LARGE1: variants seen among roughly 807,000 people sequenced by gnomAD.
LARGE1 encodes the protein LARGE xylosyl- and glucuronyltransferase 1.
In LARGE1, 43 loss-of-function variants were observed where a neutral mutation model predicts 87.6. The ratio of observed to expected loss-of-function variants is 0.49; its 90% CI spans 0.38 to 0.63. The LOEUF (loss-of-function observed/expected upper bound fraction) is 0.63. Ranked by LOEUF, LARGE1 falls within the 30% of genes least tolerant of loss-of-function variation. LARGE1 has a pLI of 0.00. For synonymous variants in LARGE1, 434 were observed against 394.6 expected (o/e 1.10, Z -1.18); for missense variants, 802 against 1,000.2 (o/e 0.80, Z 2.67).
chr22:33,901,399 C>T (rs1249500160), intron 1 of LARGE1, among the ~76,000 whole-genome samples: 1 of 152,184 alleles, frequency 6.6e-6, no homozygotes, highest in African/African-American at 2.4e-5. Context: ...GCACCTTACC[C>T]AAGGGGAGCC....
At chr22:33,549,835 G>A (rs1346824200) in intron 6 of LARGE1, among the ~76,000 whole-genome samples, 3 of 152,192 alleles carry the variant, frequency 2.0e-5, no homozygotes, top group African/African-American at 7.2e-5. Context: ...AGAACATGCA[G>A]TATTTGGTTT....
intron 2 of LARGE1, among the ~76,000 whole-genome samples, chr22:33,740,670 A>T (rs1033210852): frequency 2.0e-5 from 3 of 152,200 alleles, no homozygotes; most frequent in South Asian, 2.1e-4. Context: ...GGCACCAAAA[A>T]ATCAGCTGGC....
At chr22:33,189,494 C>T (rs983640948) in intron 11 of LARGE1, among the ~76,000 whole-genome samples, 2 of 152,144 alleles carry the variant, frequency 1.3e-5, no homozygotes, top group African/African-American at 4.8e-5. Context: ...TACACACACT[C>T]ACGATACTCA....
intron 1 of LARGE1, among the ~76,000 whole-genome samples, chr22:33,837,258 A>G (rs1200569456): frequency 5.9e-5 from 1 of 16,824 alleles, no homozygotes; most frequent in Non-Finnish European, 1.1e-4. Flanking sequence ...TATTACATAT[A>G]CACACACACA....
intron 2 of LARGE1, among the ~76,000 whole-genome samples, chr22:33,662,767 A>C (rs2081166488): frequency 6.6e-6 from 1 of 152,176 alleles, no homozygotes; most frequent in Admixed American, 6.5e-5. Context: ...ACTTTTGTGA[A>C]TGTCATTGAT....
At chr22:33,229,626 A>G (rs1359561208) in intron 11 of LARGE1, among the ~76,000 whole-genome samples, 2 of 152,190 alleles carry the variant, frequency 1.3e-5, no homozygotes, top group African/African-American at 4.8e-5. Flanking sequence ...GAGATATTTG[A>G]AAATAATAAC....
intron 1 of LARGE1, among the ~76,000 whole-genome samples, chr22:33,887,000 A>G (rs947155490): frequency 1.7e-4 from 26 of 152,278 alleles, no homozygotes; most frequent in African/African-American, 6.3e-4. Context: ...GGTCTGGGCA[A>G]GGTGGTGATG....
At position 33,379,177 on chromosome 22, in the gene LARGE1, T is replaced by TG. The variant is rs769423685; in HGVS notation, c.1131+2741_1131+2742insC. Among the ~76,000 whole-genome samples, 799 of 149,332 alleles carry TG rather than the reference T, an allele frequency of 5.4e-3. 6 individuals are homozygous for TG. The highest frequency in any genetic ancestry group is 8.4e-3 in the Non-Finnish European group (564 of 67,080). ...TGGAACTTTCAGTGGGGAAGTTCTTTTTTTTTTTTTTGAGTGTCGTAAAGT... is the reference window on the plus strand; with the variant it reads ...TGGAACTTTCAGTGGGGAAGTTCTTTGTTTTTTTTTTTGAGTGTCGTAAAGT... On this transcript the variant is annotated intron_variant, in intron 9 of 14. Coordinates refer to ENST00000397394, the MANE Select transcript of LARGE1 (RefSeq NM_133642.5).
At chr22:33,138,203 T>C in the LARGE1 span, among the ~76,000 whole-genome samples, 1 of 152,158 alleles carries the variant, frequency 6.6e-6, no homozygotes, top group African/African-American at 2.4e-5. Flanking sequence ...ACGTGAGACA[T>C]GGAGTCAAAA....
At position 33,902,082 on chromosome 22, in the gene LARGE1, C is replaced by G. The variant is rs931212121; in HGVS notation, c.-83+17913G>C. Reference sequence around the variant, plus strand: ...GAACGATGAACAGGTTTGTCACAGGCAGAACCTTAAAGATTAGCTCTGAGA... The same window carrying G: ...GAACGATGAACAGGTTTGTCACAGGGAGAACCTTAAAGATTAGCTCTGAGA... On this transcript the variant is annotated intron_variant, in intron 1 of 14. Transcript: ENST00000397394. Among the ~76,000 whole-genome samples, 16 of 152,336 alleles carry G rather than the reference C, an allele frequency of 1.1e-4. No homozygotes were observed. In the East Asian group the frequency reaches 2.7e-3, roughly 26 times the overall value.
At chr22:33,557,347 A>C (rs1176130710) in intron 6 of LARGE1, among the ~76,000 whole-genome samples, 1 of 152,234 alleles carries the variant, frequency 6.6e-6, no homozygotes. Flanking sequence ...GTGTCTATCA[A>C]GAAAATCAAA....
intron 11 of LARGE1, among the ~76,000 whole-genome samples, chr22:33,195,756 CTTTT>C (rs71187249): frequency 0.063 from 8,239 of 130,668 alleles, 250 homozygotes; most frequent in Middle Eastern, 0.19. Context: ...TTTCTTTTTT[CTTTT>C]TTTTTTTTTT....
rs1927859249 is a variant in LARGE1 at position 33,265,083 on chromosome 22, G to A, written c.1730+39146C>T. Reference sequence around the variant, plus strand: ...GCCTGGCTAATTTTTTTTATTTTTAGTAGAGATGGGGTGATTTCACCATGT... The same window carrying A: ...GCCTGGCTAATTTTTTTTATTTTTAATAGAGATGGGGTGATTTCACCATGT... On this transcript the variant is annotated intron_variant, in intron 11 of 11. Coordinates refer to the LARGE1 transcript ENST00000608642. Among the ~76,000 whole-genome samples, 3 of 151,140 alleles carry A rather than the reference G, an allele frequency of 2.0e-5. No homozygotes were observed. The South Asian group carries it at 6.3e-4, about 32-fold the overall frequency.
intron 2 of LARGE1, among the ~76,000 whole-genome samples, chr22:33,670,332 C>T (rs1397637121): frequency 6.6e-6 from 1 of 151,874 alleles, no homozygotes; most frequent in Non-Finnish European, 1.5e-5. Flanking sequence ...TTTGGAAGCA[C>T]CTCCCAGCTC....
At chr22:33,394,323 T>C (rs555795522) in intron 7 of LARGE1, among the ~76,000 whole-genome samples, 20 of 152,014 alleles carry the variant, frequency 1.3e-4, no homozygotes, top group Middle Eastern at 3.4e-3. Context: ...CTCAGCCTCC[T>C]GAGTAGCTGG....
chr22:33,136,921 A>G, the LARGE1 span, among the ~76,000 whole-genome samples: 1 of 137,996 alleles, frequency 7.2e-6, no homozygotes. Context: ...TATTAGAACC[A>G]CAAATATTAA....
intron 7 of LARGE1, among the ~76,000 whole-genome samples, chr22:33,431,917 TAGA>T (rs932998706): frequency 2.6e-5 from 4 of 152,188 alleles, no homozygotes; most frequent in African/African-American, 9.7e-5. Flanking sequence ...GGATCTGGAT[TAGA>T]GGTCAGGAGA....
At chr22:33,449,659 C>T in intron 6 of LARGE1, among the ~76,000 whole-genome samples, 1 of 152,358 alleles carries the variant, frequency 6.6e-6, no homozygotes. Context: ...CTGAATCATT[C>T]TCATCAACTT....
At chr22:33,615,586 C>T (rs2079558114) in intron 4 of LARGE1, among the ~76,000 whole-genome samples, 1 of 151,870 alleles carries the variant, frequency 6.6e-6, no homozygotes, top group Admixed American at 6.6e-5. Flanking sequence ...TCCATTCCTA[C>T]CAGATCCCGA....
Sources: gnomAD v4.1 joint callset for allele counts (sites outside exome capture counted in the v4.1 genomes callset) on GRCh38, gnomAD v4.1.1 for gene constraint, MANE v1.5 for transcripts, NCBI Gene and HGNC (gene_info 2026-07-23, HGNC 2026-07-21) for gene names.